The following AP1G1 variants were observed in gnomAD, a reference collection of about 807,000 sequenced individuals.
AP1G1 encodes adaptor related protein complex 1 subunit gamma 1.
A neutral mutation model predicts 108.3 loss-of-function variants in AP1G1; 7 were observed. That is an observed-to-expected ratio of 0.06 (90% CI 0.04 to 0.12). The LOEUF (loss-of-function observed/expected upper bound fraction) is 0.12, where lower values mean the gene tolerates loss of function less well. Ranked by LOEUF, AP1G1 falls within the 10% of genes least tolerant of loss-of-function variation. AP1G1 has a pLI of 1.00. For synonymous variants in AP1G1, 379 were observed against 353.5 expected, an observed-to-expected ratio of 1.07 and a Z score of -0.81; for missense variants, 756 against 1,010.7, an observed-to-expected ratio of 0.75 and a Z score of 3.42.
At chr16:71,793,518 C>T (rs922093344) in intron 1 of AP1G1, among the ~76,000 whole-genome samples, 3 of 152,118 alleles carry the variant, frequency 2.0e-5, no homozygotes, top group African/African-American at 7.2e-5. Context: ...GAAACAAAAG[C>T]AGCAACAAAA....
intron 2 of AP1G1, among the ~76,000 whole-genome samples, chr16:71,787,492 C>CA (rs1226094364): frequency 6.6e-6 from 1 of 151,982 alleles, no homozygotes; most frequent in Non-Finnish European, 1.5e-5. Flanking sequence ...CTAAAAACAA[C>CA]AAAAAAAGAA....
intron 1 of AP1G1, 96 bp from the exon 2 acceptor site, chr16:71,789,578 G>A: frequency 7.8e-7 from 1 of 1,287,970 alleles, no homozygotes; most frequent in Non-Finnish European, 1.1e-6. Context: ...TAGTTTTTAA[G>A]AATTCAAGAC....
chr16:71,736,401 G>A (rs1462455239), intron 21 of AP1G1, among the ~76,000 whole-genome samples: 2 of 140,386 alleles, frequency 1.4e-5, no homozygotes, highest in African/African-American at 5.2e-5. Flanking sequence ...TTTTTTTTTA[G>A]ATGGAGTCTC....
intron 2 of AP1G1, among the ~76,000 whole-genome samples, chr16:71,786,682 A>G (rs368608027): frequency 1.2e-4 from 18 of 152,082 alleles, no homozygotes; most frequent in Admixed American, 6.6e-4. Flanking sequence ...GATAGCCTCT[A>G]TCTCTTGACC....
intron 2 of AP1G1, chr16:71,777,717 T>C: frequency 1.1e-5 from 5 of 449,474 alleles, no homozygotes; most frequent in South Asian, 6.5e-5. Context: ...TCGGGCCCGT[T>C]CTCCTCCTCC....
chr16:71,791,698 G>A (rs1401166625), intron 1 of AP1G1, among the ~76,000 whole-genome samples: 1 of 145,424 alleles, frequency 6.9e-6, no homozygotes, highest in South Asian at 2.1e-4. Context: ...AAAAAGTTGT[G>A]TGTAATGGGT....
intron 21 of AP1G1, among the ~76,000 whole-genome samples, chr16:71,736,987 T>C (rs1001115526): frequency 4.6e-5 from 7 of 152,102 alleles, no homozygotes; most frequent in Admixed American, 6.5e-5. Context: ...AAGTGATAAG[T>C]CACTAGAGCA....
At chr16:71,786,172 C>T (rs9933862) in intron 2 of AP1G1, among the ~76,000 whole-genome samples, 5,540 of 152,116 alleles carry the variant, frequency 0.036, 333 homozygotes, top group African/African-American at 0.13. Flanking sequence ...AATATTTTAT[C>T]AAATAATTAA....
chr16:71,798,313 C>T (rs114846951), intron 1 of AP1G1, among the ~76,000 whole-genome samples: 2,866 of 152,230 alleles, frequency 0.019, 92 homozygotes, highest in African/African-American at 0.064. Flanking sequence ...ATTCTCCTGC[C>T]TTACCCTACC....
chr16:71,781,322 T>C (rs1335282019), intron 2 of AP1G1, among the ~76,000 whole-genome samples: 1 of 152,200 alleles, frequency 6.6e-6, no homozygotes, highest in Non-Finnish European at 1.5e-5. Flanking sequence ...GTGAATCCAA[T>C]TTTTTCTTTT....
chr16:71,794,831 A>C (rs1483235115), intron 1 of AP1G1, among the ~76,000 whole-genome samples: 2 of 64,402 alleles, frequency 3.1e-5, no homozygotes, highest in Non-Finnish European at 6.2e-5. Context: ...GGCCATGAGA[A>C]GTGCTTTTTT....
chr16:71,748,494 C>T (rs946469673), intron 15 of AP1G1, 116 bp from the exon 16 acceptor site: 18 of 1,200,148 alleles, frequency 1.5e-5, no homozygotes, highest in African/African-American at 7.7e-5. Context: ...TTACAAAAGC[C>T]TCTAACTCAA....
chr16:71,806,836 G>C (rs976818450), intron 1 of AP1G1: 5 of 507,740 alleles, frequency 9.8e-6, no homozygotes, highest in Admixed American at 7.7e-5. Context: ...CAAGATCACT[G>C]AGTATTTAAA....
chr16:71,760,829 G>A (rs2031051521), intron 10 of AP1G1, among the ~76,000 whole-genome samples: 2 of 152,116 alleles, frequency 1.3e-5, no homozygotes, highest in Non-Finnish European at 2.9e-5. Flanking sequence ...TTACAGGGGT[G>A]AACCACTACG....
intron 12 of AP1G1, among the ~76,000 whole-genome samples, chr16:71,755,318 T>C (rs1027237712): frequency 2.6e-5 from 4 of 151,984 alleles, no homozygotes; most frequent in African/African-American, 9.7e-5. Context: ...AAGCCTATGG[T>C]CCCAGCTACT....
chr16:71,731,659 A>G lies in AP1G1; in HGVS notation c.*1399T>C, dbSNP rs1297405153. The G allele has an allele frequency of 6.6e-6, 1 of 152,594 alleles. No homozygotes were observed. Among genetic ancestry groups the G allele is most frequent in the African/African-American group, 2.4e-5 (1 of 41,462 alleles). The allele number at this position is 152,594 out of a possible 1,614,324, so 9.5% of individuals were successfully genotyped here. The stretch of plus-strand genomic sequence containing the variant: ...AGCAACTCAATTTCAAAGTTTGATA[A>G]CATATGGGTCCTTTCTAAAAAGCAC... On this transcript the variant is annotated 3_prime_UTR_variant, in exon 23 of 23. Coordinates refer to ENST00000299980, the MANE Select transcript of AP1G1 (RefSeq NM_001128.6).
At chr16:71,799,989 T>C (rs1043187414) in intron 1 of AP1G1, among the ~76,000 whole-genome samples, 4 of 146,512 alleles carry the variant, frequency 2.7e-5, no homozygotes, top group Admixed American at 6.8e-5. Flanking sequence ...GGGAGGCCGA[T>C]GCAGGCAGAT....
At chr16:71,771,304 C>A (rs2031560143) in intron 4 of AP1G1, 52 bp from the exon 5 acceptor site, 2 of 1,072,356 alleles carry the variant, frequency 1.9e-6, no homozygotes, top group Admixed American at 2.8e-5. Context: ...TATGCCAGGG[C>A]AACCAATCTT....
chr16:71,739,461 A>G (rs1423535485), intron 19 of AP1G1, 120 bp from the exon 20 acceptor site: 7 of 730,338 alleles, frequency 9.6e-6, no homozygotes, highest in Non-Finnish European at 1.5e-5. Flanking sequence ...CAAGATGCAA[A>G]AAGCATAGAC....
Sources: gnomAD v4.1 joint callset for allele counts (sites outside exome capture counted in the v4.1 genomes callset) on GRCh38, gnomAD v4.1.1 for gene constraint, MANE v1.5 for transcripts, NCBI Gene and HGNC (gene_info 2026-07-23, HGNC 2026-07-21) for gene names.